The following CDC42BPA variants were observed in gnomAD, a reference collection of about 807,000 sequenced individuals.
CDC42BPA encodes serine/threonine-protein kinase MRCK alpha.
CDC42BPA carries 80 observed loss-of-function variants against 223.5 expected under a neutral mutation model. The observed-to-expected ratio is 0.36, with a 90% CI of 0.30 to 0.43. CDC42BPA has a LOEUF of 0.43. Ranked by LOEUF, CDC42BPA falls within the 20% of genes least tolerant of loss-of-function variation. The pLI, the probability that CDC42BPA is intolerant of heterozygous loss-of-function variation, is 1.00. For synonymous variants in CDC42BPA, 694 were observed against 718.6 expected (o/e 0.97, Z 0.55); for missense variants, 1,743 against 2,099.9 (o/e 0.83, Z 3.32).
At chr1:227,213,782 G>A (rs1405792030) in intron 2 of CDC42BPA, among the ~76,000 whole-genome samples, 2 of 151,760 alleles carry the variant, frequency 1.3e-5, no homozygotes, top group Non-Finnish European at 1.5e-5. Flanking sequence ...CATACGCATA[G>A]AGAGCAATTA....
chr1:227,140,602 A>G (rs1659495667), intron 9 of CDC42BPA, among the ~76,000 whole-genome samples: 1 of 152,138 alleles, frequency 6.6e-6, no homozygotes, highest in African/African-American at 2.4e-5. Flanking sequence ...ATAAACTCAG[A>G]AAGATAAAAG....
chr1:227,308,886 C>T (rs573170236), intron 1 of CDC42BPA, among the ~76,000 whole-genome samples: 4 of 152,214 alleles, frequency 2.6e-5, no homozygotes, highest in South Asian at 2.1e-4. Flanking sequence ...CCTACAGTGA[C>T]GTTTAAGCAA....
chr1:227,028,636 C>T, intron 30 of CDC42BPA, 21 bp downstream of exon 30: 5 of 1,431,338 alleles, frequency 3.5e-6, no homozygotes, highest in Non-Finnish European at 4.8e-6. Context: ...GATAAGACAG[C>T]CGTAAGAAAG....
intron 1 of CDC42BPA, among the ~76,000 whole-genome samples, chr1:227,302,346 C>A (rs902493273): frequency 6.6e-6 from 1 of 152,172 alleles, no homozygotes; most frequent in African/African-American, 2.4e-5. Context: ...ATTTTTAACA[C>A]CTTCATGCCT....
At chr1:227,263,177 A>G (rs1684388930) in intron 1 of CDC42BPA, among the ~76,000 whole-genome samples, 1 of 152,238 alleles carries the variant, frequency 6.6e-6, no homozygotes, top group South Asian at 2.1e-4. Flanking sequence ...GGCTGCAGAA[A>G]GCCAAGATCG....
chr1:227,211,896 G>A (rs887585589), intron 3 of CDC42BPA, among the ~76,000 whole-genome samples: 1 of 152,036 alleles, frequency 6.6e-6, no homozygotes, highest in Admixed American at 6.6e-5. Flanking sequence ...ATCTGCACCT[G>A]TATCTCCTAA....
At position 227,135,302 on chromosome 1, in the gene CDC42BPA, G is replaced by A. The variant is rs540141105; in HGVS notation, c.1390+4274C>T. Among the ~76,000 whole-genome samples the A allele has an allele frequency of 2.0e-5, 3 of 152,282 alleles. No individual in the cohort carries two copies. The East Asian group carries it at 5.8e-4, about 29-fold the overall frequency. ...GCTGCATGGGAAGTTAGGGAGCTTT[G>A]AAAAGTCAGACAGAAATCTCCGATA... On this transcript the variant is annotated intron_variant, in intron 10 of 36. Coordinates refer to ENST00000366766, the MANE Select transcript of CDC42BPA (RefSeq NM_001394014.1).
rs182412451 is a variant in CDC42BPA, at chr1:227,164,721, C to T, written c.600-4085G>A. On this transcript the variant is annotated intron_variant, in intron 5 of 36. Coordinates refer to ENST00000366766, the MANE Select transcript of CDC42BPA (RefSeq NM_001394014.1). ...ACGTGCACGCACACACAAACGCACA[C>T]ACACACACCCCTAACTAAATTTTTA... Among the ~76,000 whole-genome samples, 386 of 152,354 alleles carry T rather than the reference C, an allele frequency of 2.5e-3. 9 individuals carry two copies. The East Asian group carries it at 0.047, about 19-fold the overall frequency.
At chr1:227,141,454 A>G (rs1197918879) in intron 9 of CDC42BPA, among the ~76,000 whole-genome samples, 1 of 152,222 alleles carries the variant, frequency 6.6e-6, no homozygotes, top group African/African-American at 2.4e-5. Context: ...CTAGCCAGGA[A>G]GGGATGGAAG....
At chr1:227,244,795 A>G (rs1328964101) in intron 2 of CDC42BPA, among the ~76,000 whole-genome samples, 1 of 152,382 alleles carries the variant, frequency 6.6e-6, no homozygotes, top group Non-Finnish European at 1.5e-5. Context: ...CAGGAGAGAC[A>G]GTCTTGAATC....
rs199585100 is a variant in CDC42BPA at position 227,216,112 on chromosome 1, TTC to T, written c.271-2895_271-2894del. 5.2e-3 allele frequency among the ~76,000 whole-genome samples: 735 copies of T among 141,874 alleles called. 2 individuals carry two copies. The highest frequency in any genetic ancestry group is 7.4e-3 in the Middle Eastern group (2 of 272). The allele number at this position is 141,874 out of a possible 152,430, so 93.1% of individuals were successfully genotyped here. A position where few individuals can be genotyped will look rare whatever the true frequency, so the allele number is the denominator to read the frequency against. ...ATTAAAGTATGTACACTGTGACTTT[TTC>T]TCTCTCTATATATATATATACACAC... On this transcript the variant is annotated intron_variant, in intron 2 of 36. Coordinates refer to ENST00000366766, the MANE Select transcript of CDC42BPA (RefSeq NM_001394014.1).
intron 2 of CDC42BPA, among the ~76,000 whole-genome samples, chr1:227,250,636 GTGTA>G (rs886074200): frequency 6.4e-4 from 97 of 152,090 alleles, no homozygotes; most frequent in Middle Eastern, 3.4e-3. Flanking sequence ...GTGTGTGTGT[GTGTA>G]TGTGTGTGTG....
chr1:227,194,069 T>G, intron 4 of CDC42BPA, 135 bp from the exon 5 acceptor site: 1 of 583,862 alleles, frequency 1.7e-6, no homozygotes. Context: ...AACAAGAAAC[T>G]GTGTAAGATG....
At chr1:227,117,925 G>A (rs896760384) in intron 12 of CDC42BPA, among the ~76,000 whole-genome samples, 4 of 150,758 alleles carry the variant, frequency 2.7e-5, no homozygotes, top group African/African-American at 9.7e-5. Flanking sequence ...CTTATAACCA[G>A]TAAGAAAAAA....
intron 5 of CDC42BPA, among the ~76,000 whole-genome samples, chr1:227,189,923 A>G (rs1422868313): frequency 6.6e-6 from 1 of 152,178 alleles, no homozygotes; most frequent in African/African-American, 2.4e-5. Flanking sequence ...AAATTTCATA[A>G]AACTCTAAGA....
chr1:227,264,841 A>T, intron 1 of CDC42BPA: 1 of 1,513,304 alleles, frequency 6.6e-7, no homozygotes, highest in Non-Finnish European at 9.2e-7. Context: ...ATGCCACTGT[A>T]ATTCCTTCAG....
intron 7 of CDC42BPA, among the ~76,000 whole-genome samples, chr1:227,146,548 C>T (rs1318984499): frequency 2.6e-5 from 4 of 152,096 alleles, no homozygotes; most frequent in African/African-American, 9.7e-5. Flanking sequence ...TCCCTTCTAT[C>T]GGATATTCAT....
Position 227,071,558 on chromosome 1 carries a change from C to T in CDC42BPA, c.2827+650G>A, listed in dbSNP as rs182531065. On this transcript the variant is annotated intron_variant, in intron 20 of 36. Coordinates refer to ENST00000366766, the MANE Select transcript of CDC42BPA (RefSeq NM_001394014.1). ...GTTTTCAAGAAAATGGTAATAAATC[C>T]GGGATATCCTACAGGACAAGCAATT... is the stretch of plus-strand genomic sequence containing the variant. Among the ~76,000 whole-genome samples, 293 of 151,664 alleles carry T rather than the reference C, an allele frequency of 1.9e-3. 2 individuals are homozygous for T. Among genetic ancestry groups the T allele is most frequent in the African/African-American group, 6.6e-3 (272 of 41,470 alleles).
intron 21 of CDC42BPA, chr1:227,059,299 G>A (rs779186264): frequency 3.1e-5 from 38 of 1,235,458 alleles, no homozygotes; most frequent in Non-Finnish European, 4.2e-5. Context: ...AACAGGTTCC[G>A]CAATCACAGG....
Sources: gnomAD v4.1 joint callset for allele counts (sites outside exome capture counted in the v4.1 genomes callset) on GRCh38, gnomAD v4.1.1 for gene constraint, MANE v1.5 for transcripts, NCBI Gene and HGNC (gene_info 2026-07-23, HGNC 2026-07-21) for gene names.